SPMIP7: variants seen among roughly 807,000 people sequenced by gnomAD.
SPMIP7 encodes sperm microtubule inner protein 7, also known as protein SPMIP7.
At chr7:50,096,391 C>T in the SPMIP7 span, 1 of 1,551,936 alleles carries the variant, frequency 6.4e-7, no homozygotes, top group Non-Finnish European at 8.7e-7. Flanking sequence ...ATGATGTGAC[C>T]TTAGGTGATT....
the SPMIP7 span, among the ~76,000 whole-genome samples, chr7:50,134,600 A>G: frequency 6.6e-6 from 1 of 152,220 alleles, no homozygotes. Context: ...ATTTTACCAG[A>G]TAACCTATGC....
chr7:50,126,555 C>A, the SPMIP7 span, among the ~76,000 whole-genome samples: 1 of 151,550 alleles, frequency 6.6e-6, no homozygotes, highest in East Asian at 1.9e-4. Context: ...CCTCATATAA[C>A]AAAATCAGAC....
chr7:50,128,908 T>C, the SPMIP7 span, among the ~76,000 whole-genome samples: 2 of 151,778 alleles, frequency 1.3e-5, no homozygotes, highest in Non-Finnish European at 2.9e-5. Flanking sequence ...CTGTAAAAAA[T>C]CTCAAGACAA....
At chr7:50,096,561 T>C in the SPMIP7 span, 25 of 1,551,854 alleles carry the variant, frequency 1.6e-5, no homozygotes. Flanking sequence ...CAAAAAATTC[T>C]ATCAGAAGAA....
At chr7:50,142,707 A>G in the SPMIP7 span, 4 of 152,240 alleles carry the variant, frequency 2.6e-5, no homozygotes, top group African/African-American at 7.2e-5. Context: ...CTAGTAACAT[A>G]CAGAATCTTA....
the SPMIP7 span, chr7:50,159,232 A>G: frequency 6.6e-7 from 1 of 1,522,602 alleles, no homozygotes; most frequent in Non-Finnish European, 8.8e-7. Flanking sequence ...CGGCGGTGGG[A>G]AATAAAGGCT....
At chr7:50,120,349 T>A in the SPMIP7 span, 2 of 152,154 alleles carry the variant, frequency 1.3e-5, no homozygotes, top group Non-Finnish European at 2.9e-5. Flanking sequence ...TCTTGAAATT[T>A]GTAGCCAATT....
the SPMIP7 span, among the ~76,000 whole-genome samples, chr7:50,124,162 C>T: frequency 5.3e-5 from 8 of 151,800 alleles, no homozygotes; most frequent in African/African-American, 1.9e-4. Flanking sequence ...GTCTTAGTTA[C>T]AAAACAGTTA....
chr7:50,138,742 T>C, the SPMIP7 span, among the ~76,000 whole-genome samples: 31 of 150,168 alleles, frequency 2.1e-4, no homozygotes, highest in Non-Finnish European at 3.8e-4. Context: ...ATAAAAGCAG[T>C]ATAAAGTGAC....
At chr7:50,139,162 A>G in the SPMIP7 span, among the ~76,000 whole-genome samples, 1 of 152,054 alleles carries the variant, frequency 6.6e-6, no homozygotes, top group Non-Finnish European at 1.5e-5. Flanking sequence ...CATCCTGGCC[A>G]ACGTGGTGAA....
the SPMIP7 span, among the ~76,000 whole-genome samples, chr7:50,118,003 T>C: frequency 0.52 from 79,144 of 151,930 alleles, 21,579 homozygotes; most frequent in East Asian, 0.73. Flanking sequence ...TAAACCTGAG[T>C]ATCAAAGGAA....
the SPMIP7 span, among the ~76,000 whole-genome samples, chr7:50,117,857 G>A: frequency 4.6e-5 from 7 of 152,132 alleles, no homozygotes; most frequent in East Asian, 5.8e-4. Context: ...GGAGTAGTCC[G>A]TGATTTTGGC....
chr7:50,148,824 C>G, the SPMIP7 span, among the ~76,000 whole-genome samples: 1 of 152,156 alleles, frequency 6.6e-6, no homozygotes, highest in Non-Finnish European at 1.5e-5. Context: ...TCCCAGTGCT[C>G]AGGCTACACC....
chr7:50,103,798 C>T, the SPMIP7 span, among the ~76,000 whole-genome samples: 1 of 152,140 alleles, frequency 6.6e-6, no homozygotes, highest in African/African-American at 2.4e-5. Flanking sequence ...TGCTGTATTG[C>T]CACACCATAT....
chr7:50,102,668 T>C, the SPMIP7 span, among the ~76,000 whole-genome samples: 1 of 152,118 alleles, frequency 6.6e-6, no homozygotes, highest in Non-Finnish European at 1.5e-5. Context: ...GTCCTGAGTT[T>C]CTCAGTCAAA....
chr7:50,100,548 C>T, the SPMIP7 span, among the ~76,000 whole-genome samples: 4 of 152,250 alleles, frequency 2.6e-5, no homozygotes, highest in South Asian at 4.1e-4. Flanking sequence ...CACGGTGGCT[C>T]ACGCCTGTAA....
the SPMIP7 span, chr7:50,129,710 C>T: frequency 5.2e-6 from 8 of 1,536,130 alleles, no homozygotes; most frequent in African/African-American, 2.8e-5. Context: ...TTTTTCATGC[C>T]TTCTAGGATG....
chr7:50,126,858 A>G, the SPMIP7 span, among the ~76,000 whole-genome samples: 1 of 152,006 alleles, frequency 6.6e-6, no homozygotes, highest in East Asian at 1.9e-4. Context: ...AAAAAGGTGA[A>G]AAAGGAAATC....
At chr7:50,134,039 T>C in the SPMIP7 span, 25 of 1,351,628 alleles carry the variant, frequency 1.8e-5, no homozygotes, top group Non-Finnish European at 2.5e-5. Flanking sequence ...TATCATAGTA[T>C]CATATTGTTA....
Sources: allele counts gnomAD v4.1 joint callset (sites outside exome capture counted in the v4.1 genomes callset), GRCh38; gene constraint gnomAD v4.1.1; transcripts MANE v1.5; gene names NCBI Gene and HGNC (gene_info 2026-07-23, HGNC 2026-07-21).